The following RBFOX1 variants were observed in gnomAD, a reference collection of about 807,000 sequenced individuals.
The protein encoded by RBFOX1 is RNA binding fox-1 homolog 1, also known as RNA binding protein fox-1 homolog 1.
Under a neutral mutation model 57.7 loss-of-function variants are expected in RBFOX1, and 8 were observed. That is an observed-to-expected ratio of 0.14 (90% CI 0.08 to 0.25). The LOEUF (loss-of-function observed/expected upper bound fraction) is 0.25, where lower values mean the gene tolerates loss of function less well. Ranked by LOEUF, RBFOX1 falls within the 10% of genes least tolerant of loss-of-function variation. The probability of loss-of-function intolerance (pLI) is 1.00; values close to 1 mark genes in which losing one functional copy is unlikely to be tolerated. For missense variants in RBFOX1, 611 were observed against 548.5 expected (o/e 1.11, Z -1.14); for synonymous variants, 326 against 222.4 (o/e 1.47, Z -4.15).
intron 4 of RBFOX1, among the ~76,000 whole-genome samples, chr16:7,448,015 AC>A (rs1279849661): frequency 1.3e-5 from 2 of 152,086 alleles, no homozygotes; most frequent in Non-Finnish European, 2.9e-5. Context: ...AGAAACACCC[AC>A]CCTCCTTTCT....
chr16:6,285,482 A>G (rs2076807940), intron 1 of RBFOX1, among the ~76,000 whole-genome samples: 1 of 152,146 alleles, frequency 6.6e-6, no homozygotes, highest in Non-Finnish European at 1.5e-5. Context: ...CATATGGCAA[A>G]AGGTTTTCAT....
intron 4 of RBFOX1, among the ~76,000 whole-genome samples, chr16:5,891,789 A>C (rs1283116968): frequency 1.3e-5 from 2 of 152,342 alleles, no homozygotes; most frequent in Admixed American, 1.3e-4. Flanking sequence ...GGGCTCGGAC[A>C]TCTGATAGCC....
At chr16:7,269,015 C>T (rs563366250) in intron 4 of RBFOX1, among the ~76,000 whole-genome samples, 18 of 118,476 alleles carry the variant, frequency 1.5e-4, no homozygotes, top group African/African-American at 5.4e-4. Context: ...CCAGCTTGGG[C>T]GACAGAGTGA....
At chr16:6,588,045 C>G (rs989467721) in intron 2 of RBFOX1, among the ~76,000 whole-genome samples, 4 of 151,856 alleles carry the variant, frequency 2.6e-5, no homozygotes, top group African/African-American at 9.7e-5. Flanking sequence ...GCCTGGCCAA[C>G]ATGGTGAAAC....
At chr16:7,495,342 G>A (rs890478842) in intron 4 of RBFOX1, among the ~76,000 whole-genome samples, 1 of 152,202 alleles carries the variant, frequency 6.6e-6, no homozygotes, top group Non-Finnish European at 1.5e-5. Flanking sequence ...CCAGTCATGG[G>A]ATTGCTGGAT....
At chr16:6,827,681 C>A (rs1422340208) in intron 3 of RBFOX1, among the ~76,000 whole-genome samples, 1 of 152,128 alleles carries the variant, frequency 6.6e-6, no homozygotes, top group Non-Finnish European at 1.5e-5. Flanking sequence ...TCTTCTGATC[C>A]TTCAGGGGCC....
chr16:6,493,149 A>G (rs1159831958), intron 2 of RBFOX1, among the ~76,000 whole-genome samples: 2 of 152,182 alleles, frequency 1.3e-5, no homozygotes, highest in Non-Finnish European at 2.9e-5. Context: ...TTAGATACCA[A>G]CATAGGTATT....
intron 4 of RBFOX1, among the ~76,000 whole-genome samples, chr16:7,172,981 G>T (rs886614562): frequency 6.6e-6 from 1 of 152,094 alleles, no homozygotes; most frequent in African/African-American, 2.4e-5. Context: ...TCGTGTAAAA[G>T]AATTGCAAAA....
At position 5,468,953 on chromosome 16, in the gene RBFOX1, C is replaced by T. The variant is rs1035116261; in HGVS notation, c.258+1699C>T. On this transcript the variant is annotated intron_variant, in intron 2 of 2. Coordinates refer to the RBFOX1 transcript ENST00000585867. ...AGCTTCTGGGGCTGGGAACTGAGAA[C>T]AGAACATATTTATACCTTTTCCCTT... is the stretch of plus-strand genomic sequence containing the variant. Among the ~76,000 whole-genome samples, 14 of 152,228 alleles carry T rather than the reference C, an allele frequency of 9.2e-5. 1 individual carries two copies. The highest frequency in any genetic ancestry group is 1.5e-5 in the Non-Finnish European group (1 of 68,042).
At chr16:7,710,525 G>T in intron 15 of RBFOX1, 98 bp from the exon 16 acceptor site, 1 of 1,576,738 alleles carries the variant, frequency 6.3e-7, no homozygotes, top group South Asian at 1.2e-5. Context: ...CATTTCGGTT[G>T]GTTTTGAGTG....
At chr16:6,139,523 T>G (rs1012158344) in intron 1 of RBFOX1, among the ~76,000 whole-genome samples, 1 of 152,102 alleles carries the variant, frequency 6.6e-6, no homozygotes, top group Admixed American at 6.5e-5. Flanking sequence ...ATTACCCTGC[T>G]CAATCCCAAG....
chr16:6,752,622 C>A (rs192782403), intron 3 of RBFOX1, among the ~76,000 whole-genome samples: 1 of 152,068 alleles, frequency 6.6e-6, no homozygotes, highest in African/African-American at 2.4e-5. Flanking sequence ...GGCATCTTGC[C>A]ATAATGTTCT....
intron 2 of RBFOX1, among the ~76,000 whole-genome samples, chr16:6,643,562 C>A (rs751498962): frequency 6.6e-5 from 10 of 152,088 alleles, no homozygotes; most frequent in Non-Finnish European, 1.0e-4. Flanking sequence ...AGAACACCCT[C>A]GTTATCTTTA....
chr16:5,789,802 C>T (rs2054627527), intron 3 of RBFOX1, among the ~76,000 whole-genome samples: 1 of 152,164 alleles, frequency 6.6e-6, no homozygotes, highest in Non-Finnish European at 1.5e-5. Flanking sequence ...AAGATGTCTC[C>T]TTCTAACCGC....
chr16:6,946,484 G>A (rs1291825143), intron 3 of RBFOX1, among the ~76,000 whole-genome samples: 1 of 152,168 alleles, frequency 6.6e-6, no homozygotes, highest in Non-Finnish European at 1.5e-5. Context: ...TTTCTGCATA[G>A]CCTGTTTTCT....
intron 4 of RBFOX1, among the ~76,000 whole-genome samples, chr16:7,133,061 C>T (rs1404174796): frequency 6.6e-6 from 1 of 152,060 alleles, no homozygotes; most frequent in Non-Finnish European, 1.5e-5. Context: ...TCTTGCGTTT[C>T]AGAAGTGACC....
chr16:6,696,157 G>A (rs563410001), intron 3 of RBFOX1, among the ~76,000 whole-genome samples: 1 of 152,154 alleles, frequency 6.6e-6, no homozygotes, highest in Non-Finnish European at 1.5e-5. Context: ...TTTGTAGAAT[G>A]AGGAATTATT....
intron 3 of RBFOX1, among the ~76,000 whole-genome samples, chr16:6,955,455 T>A (rs1405619981): frequency 3.3e-5 from 5 of 152,018 alleles, no homozygotes; most frequent in Non-Finnish European, 7.4e-5. Context: ...GTTCCACTGG[T>A]TAGAAGTACT....
chr16:6,830,739 C>G (rs1481036906), intron 3 of RBFOX1, among the ~76,000 whole-genome samples: 2 of 152,190 alleles, frequency 1.3e-5, no homozygotes, highest in South Asian at 2.1e-4. Flanking sequence ...GTTCTCTACT[C>G]TTTGCATTCT....
Sources: gnomAD v4.1 joint callset for allele counts (sites outside exome capture counted in the v4.1 genomes callset) on GRCh38, gnomAD v4.1.1 for gene constraint, MANE v1.5 for transcripts, NCBI Gene and HGNC (gene_info 2026-07-23, HGNC 2026-07-21) for gene names.